Variants in GALNT13 observed in about 807,000 individuals in gnomAD.
GALNT13 encodes the protein polypeptide N-acetylgalactosaminyltransferase 13.
GALNT13 carries 28 observed loss-of-function variants against 64.2 expected under a neutral mutation model. The observed-to-expected ratio is 0.44, with a 90% confidence interval of 0.32 to 0.60. The LOEUF (loss-of-function observed/expected upper bound fraction) is 0.60, where lower values mean the gene tolerates loss of function less well. Ranked by LOEUF, GALNT13 falls within the 20% of genes least tolerant of loss-of-function variation. The pLI, the probability that GALNT13 is intolerant of heterozygous loss-of-function variation, is 0.05. For synonymous variants in GALNT13, 214 were observed against 224.6 expected, an observed-to-expected ratio of 0.95 and a Z score of 0.42; for missense variants, 577 against 669.8, an observed-to-expected ratio of 0.86 and a Z score of 1.53.
chr2:153,360,749 G>A, the GALNT13 span, among the ~76,000 whole-genome samples: 2 of 152,132 alleles, frequency 1.3e-5, no homozygotes, highest in African/African-American at 4.8e-5. Flanking sequence ...GGGGAGGGGT[G>A]GCCATAAGCT....
the GALNT13 span, among the ~76,000 whole-genome samples, chr2:153,174,073 G>T: frequency 1.3e-5 from 2 of 152,150 alleles, no homozygotes; most frequent in African/African-American, 4.8e-5. Context: ...TGACCTGGTG[G>T]TGGCTCCACC....
intron 3 of GALNT13, among the ~76,000 whole-genome samples, chr2:154,016,616 C>T (rs558391640): frequency 4.6e-5 from 7 of 151,970 alleles, no homozygotes; most frequent in Admixed American, 3.9e-4. Context: ...CGAGGTTTCA[C>T]CATATTGGCC....
At chr2:153,192,527 C>A in the GALNT13 span, among the ~76,000 whole-genome samples, 13 of 152,198 alleles carry the variant, frequency 8.5e-5, no homozygotes, top group African/African-American at 2.2e-4. Context: ...GTCTAAAGTG[C>A]AGTTTAAATC....
the GALNT13 span, among the ~76,000 whole-genome samples, chr2:153,821,991 GA>G: frequency 2.0e-5 from 3 of 152,080 alleles, no homozygotes; most frequent in South Asian, 4.1e-4. Flanking sequence ...ACAGAAAATG[GA>G]TAAATTTCTG....
At chr2:154,095,371 A>T (rs1412901177) in intron 3 of GALNT13, among the ~76,000 whole-genome samples, 2 of 151,856 alleles carry the variant, frequency 1.3e-5, no homozygotes, top group Non-Finnish European at 2.9e-5. Flanking sequence ...CTGTATCACA[A>T]ATTTGTGTTT....
chr2:153,917,292 A>G (rs1161545238), intron 2 of GALNT13, among the ~76,000 whole-genome samples: 1 of 152,130 alleles, frequency 6.6e-6, no homozygotes, highest in Non-Finnish European at 1.5e-5. Flanking sequence ...AAATATATGG[A>G]TTGATGGGTT....
the GALNT13 span, among the ~76,000 whole-genome samples, chr2:153,312,610 C>T: frequency 6.6e-6 from 1 of 152,164 alleles, no homozygotes; most frequent in Non-Finnish European, 1.5e-5. Flanking sequence ...CTCATGTTTG[C>T]AAAAGTGGCA....
At chr2:154,235,098 T>C (rs1485914950) in intron 4 of GALNT13, among the ~76,000 whole-genome samples, 1 of 152,124 alleles carries the variant, frequency 6.6e-6, no homozygotes, top group Non-Finnish European at 1.5e-5. Context: ...CCAAGAAGTA[T>C]GGGAGCGTTG....
the GALNT13 span, among the ~76,000 whole-genome samples, chr2:153,601,004 C>A: frequency 4.6e-5 from 7 of 151,798 alleles, no homozygotes; most frequent in Admixed American, 4.0e-4. Flanking sequence ...AGAGTTAAAT[C>A]TAATTTCATA....
chr2:153,138,434 T>C, the GALNT13 span, among the ~76,000 whole-genome samples: 2 of 152,086 alleles, frequency 1.3e-5, no homozygotes, highest in Non-Finnish European at 2.9e-5. Context: ...GGCAGGACAG[T>C]AATATTGTCA....
chr2:154,178,277 G>C (rs1158446080), intron 4 of GALNT13, among the ~76,000 whole-genome samples: 3 of 152,078 alleles, frequency 2.0e-5, no homozygotes, highest in Non-Finnish European at 4.4e-5. Context: ...TCATTTGGTA[G>C]ATTTGGCAGA....
At chr2:154,221,609 C>T (rs1389030448) in intron 4 of GALNT13, among the ~76,000 whole-genome samples, 1 of 151,984 alleles carries the variant, frequency 6.6e-6, no homozygotes, top group African/African-American at 2.4e-5. Context: ...GAATGAAAGG[C>T]AATTCTATTT....
At chr2:153,261,877 C>T in the GALNT13 span, among the ~76,000 whole-genome samples, 2 of 152,202 alleles carry the variant, frequency 1.3e-5, no homozygotes, top group Admixed American at 1.3e-4. Flanking sequence ...CTGGCTACCA[C>T]CAATGTTTGC....
At chr2:154,003,018 A>C (rs1696016036) in intron 3 of GALNT13, among the ~76,000 whole-genome samples, 1 of 152,160 alleles carries the variant, frequency 6.6e-6, no homozygotes, top group African/African-American at 2.4e-5. Context: ...GATTCTTGAC[A>C]CAAATACTTA....
the GALNT13 span, among the ~76,000 whole-genome samples, chr2:153,837,241 C>T: frequency 6.6e-6 from 1 of 152,122 alleles, no homozygotes; most frequent in Admixed American, 6.6e-5. Context: ...TTTTGATTTG[C>T]ATTTCTCTGA....
At position 153,909,153 on chromosome 2, in the gene GALNT13, C is replaced by T. The variant is rs112645051; in HGVS notation, c.-105+8146C>T. On this transcript the variant is annotated intron_variant, in intron 2 of 12. Transcript: ENST00000392825. ...AACTATATTCCTAGGTATTTTGTCA[C>T]AGTTGTGAATGGGATTGCTTTCCTG... is the stretch of plus-strand genomic sequence containing the variant. Among the ~76,000 whole-genome samples the T allele has an allele frequency of 2.7e-3, 407 of 152,042 alleles. 9 individuals are homozygous for T. The East Asian group carries it at 0.055, about 21-fold the overall frequency.
rs562751298 is a variant in GALNT13 at position 153,976,764 on chromosome 2, T to C, written c.142+32125T>C. Among the ~76,000 whole-genome samples the C allele has an allele frequency of 1.9e-3, 294 of 152,268 alleles. 1 individual carries two copies. Among genetic ancestry groups the C allele is most frequent in the African/African-American group, 7.0e-3 (290 of 41,584 alleles). On this transcript the variant is annotated intron_variant, in intron 3 of 12. Transcript: ENST00000392825. ...GTAAATACATTTAATTCCATATTAC[T>C]AAGTGATTAATTCCCACAGCACATT... is the stretch of plus-strand genomic sequence containing the variant.
At chr2:153,255,036 G>A in the GALNT13 span, among the ~76,000 whole-genome samples, 2 of 152,098 alleles carry the variant, frequency 1.3e-5, no homozygotes, top group African/African-American at 4.8e-5. Flanking sequence ...TTAACTTTCT[G>A]TCTCGTTGAT....
the GALNT13 span, among the ~76,000 whole-genome samples, chr2:153,847,691 A>G: frequency 7.2e-5 from 11 of 152,196 alleles, no homozygotes; most frequent in Non-Finnish European, 1.2e-4. Flanking sequence ...TAATAAAAAT[A>G]AGACGTATGT....
Sources: allele counts gnomAD v4.1 joint callset (sites outside exome capture counted in the v4.1 genomes callset), GRCh38; gene constraint gnomAD v4.1.1; transcripts MANE v1.5; gene names NCBI Gene and HGNC (gene_info 2026-07-23, HGNC 2026-07-21).